PCDHA1: variants seen among roughly 807,000 people sequenced by gnomAD.
PCDHA1 encodes the protein protocadherin alpha 1, also known as protocadherin alpha-1.
A neutral mutation model predicts 61.3 loss-of-function variants in PCDHA1; 42 were observed. The observed-to-expected ratio is 0.69, with a 90% CI of 0.54 to 0.89. The LOEUF (loss-of-function observed/expected upper bound fraction) is 0.89. Ranked by LOEUF, PCDHA1 falls within the 40% of genes least tolerant of loss-of-function variation. The pLI is 0.00. For missense variants in PCDHA1, 1,256 were observed against 1,235.3 expected, an observed-to-expected ratio of 1.02 and a Z score of -0.25; for synonymous variants, 610 against 553.8, an observed-to-expected ratio of 1.10 and a Z score of -1.43.
chr5:140,808,173 C>A, intron 1 of PCDHA1: 1 of 1,614,268 alleles, frequency 6.2e-7, no homozygotes, highest in Non-Finnish European at 8.5e-7. Flanking sequence ...GGACAGCTCC[C>A]ACTTTCTGGC....
chr5:140,906,999 G>C (rs187849442), intron 1 of PCDHA1, among the ~76,000 whole-genome samples: 1 of 152,088 alleles, frequency 6.6e-6, no homozygotes, highest in Non-Finnish European at 1.5e-5. Flanking sequence ...TCCTCCCTCT[G>C]GAACTAAGAC....
At chr5:140,836,278 G>T (rs1774328850) in intron 1 of PCDHA1, 3 of 1,613,796 alleles carry the variant, frequency 1.9e-6, no homozygotes, top group Middle Eastern at 1.6e-4. Context: ...GGTGAGATCA[G>T]CACGACACGA....
intron 1 of PCDHA1, chr5:140,849,861 G>A (rs2150454483): frequency 1.9e-6 from 3 of 1,598,586 alleles, no homozygotes; most frequent in Admixed American, 3.4e-5. Context: ...ACCAGCGTTC[G>A]CGCAGTCCGA....
At chr5:140,789,706 T>C (rs1761547206) in intron 1 of PCDHA1, among the ~76,000 whole-genome samples, 1 of 152,168 alleles carries the variant, frequency 6.6e-6, no homozygotes, top group African/African-American at 2.4e-5. Flanking sequence ...TCACAAATGT[T>C]CTAAAACCCT....
chr5:141,008,526 G>A (rs2153997518), intron 3 of PCDHA1, among the ~76,000 whole-genome samples: 1 of 152,126 alleles, frequency 6.6e-6, no homozygotes, highest in Non-Finnish European at 1.5e-5. Flanking sequence ...TCAGACTCTT[G>A]GGAATGTCTT....
intron 1 of PCDHA1, chr5:140,858,383 A>T: frequency 6.3e-7 from 1 of 1,584,980 alleles, no homozygotes; most frequent in African/African-American, 1.3e-5. Flanking sequence ...ACCATGCCCA[A>T]TGGTAGATGT....
Position 140,795,503 on chromosome 5 carries a change from T to G in PCDHA1, c.2394+6819T>G, listed in dbSNP as rs782001303. The G allele has an allele frequency of 2.5e-6, 4 of 1,614,056 alleles. No individual in the cohort carries two copies. In the African/African-American group the frequency reaches 4.0e-5, roughly 16 times the overall value. On this transcript the variant is annotated intron_variant, in intron 1 of 3. Transcript: ENST00000504120. ...CTCAGCTCCAGTGAGTTTTTCTTCCTAGATATACAGGCAAATGATGAACTA... is the reference window on the plus strand; with the variant it reads ...CTCAGCTCCAGTGAGTTTTTCTTCCGAGATATACAGGCAAATGATGAACTA...
chr5:140,870,864 C>T lies in PCDHA1; in HGVS notation c.2394+82180C>T, dbSNP rs782241816. The T allele has an allele frequency of 3.7e-6, 6 of 1,613,816 alleles. No homozygotes were observed. The African/African-American group carries it at 8.0e-5, about 22-fold the overall frequency. ...TAGTACCGCGGTCGGTGGGTGCGGG[C>T]CACGTGGTGGCGAAGGTGCGCGCAG... On this transcript the variant is annotated intron_variant, in intron 1 of 3. Coordinates refer to ENST00000504120, the MANE Select transcript of PCDHA1 (RefSeq NM_018900.4).
rs782513442 is a variant in PCDHA1 at position 140,877,300 on chromosome 5, G to C, written c.2394+88616G>C. 7 of 1,613,828 alleles carry C rather than the reference G, an allele frequency of 4.3e-6. No homozygotes were observed. The South Asian group carries it at 4.4e-5, about 10-fold the overall frequency. Reference sequence around the variant, plus strand: ...CGGCTATAACGCTTGGCTGTCCTACGAGTTGCAACCGGCGGCGGTCGGCGC... The same window carrying C: ...CGGCTATAACGCTTGGCTGTCCTACCAGTTGCAACCGGCGGCGGTCGGCGC... On this transcript the variant is annotated intron_variant, in intron 1 of 3. Transcript: ENST00000504120.
At chr5:140,794,463 CT>C (rs1761859718) in intron 1 of PCDHA1, among the ~76,000 whole-genome samples, 2 of 152,180 alleles carry the variant, frequency 1.3e-5, no homozygotes, top group African/African-American at 4.8e-5. Context: ...GAAAATAGGA[CT>C]GTGGTTACCA....
chr5:140,872,595 C>T (rs1048527578), intron 1 of PCDHA1, among the ~76,000 whole-genome samples: 1 of 152,102 alleles, frequency 6.6e-6, no homozygotes, highest in African/African-American at 2.4e-5. Context: ...AGACCCCCAT[C>T]TGAAAAAATA....
chr5:140,872,999 T>C (rs534267052), intron 1 of PCDHA1, among the ~76,000 whole-genome samples: 3 of 152,296 alleles, frequency 2.0e-5, no homozygotes, highest in African/African-American at 7.2e-5. Context: ...TACTTCTGAG[T>C]CATTCTTCAT....
Position 140,967,394 on chromosome 5 carries a change from G to C in PCDHA1, c.2395-11555G>C, listed in dbSNP as rs1379450273. On this transcript the variant is annotated intron_variant, in intron 1 of 3. Coordinates refer to ENST00000504120, the MANE Select transcript of PCDHA1 (RefSeq NM_018900.4). ...GGAGAACAGTAAAGTGCTTGAGCTGGTGCTGCGTAAGGGCCTAGACCGGGA... is the reference window on the plus strand; with the variant it reads ...GGAGAACAGTAAAGTGCTTGAGCTGCTGCTGCGTAAGGGCCTAGACCGGGA... 4 of 1,609,940 alleles carry C rather than the reference G, an allele frequency of 2.5e-6. No homozygotes were observed. In the African/African-American group the frequency reaches 4.0e-5, roughly 16 times the overall value.
At chr5:140,819,016 G>A (rs2150052012) in intron 1 of PCDHA1, among the ~76,000 whole-genome samples, 1 of 152,254 alleles carries the variant, frequency 6.6e-6, no homozygotes, top group African/African-American at 2.4e-5. Context: ...ATATAATATG[G>A]ATATTTTAGC....
intron 1 of PCDHA1, among the ~76,000 whole-genome samples, chr5:140,945,198 C>T (rs1563212846): frequency 6.6e-6 from 1 of 151,982 alleles, no homozygotes; most frequent in Non-Finnish European, 1.5e-5. Flanking sequence ...ATGCTATTTA[C>T]AATAGCTATG....
intron 1 of PCDHA1, among the ~76,000 whole-genome samples, chr5:140,952,087 C>T (rs2094684318): frequency 6.6e-6 from 1 of 152,162 alleles, no homozygotes. Context: ...CTCCATGTCT[C>T]ACATCCAGGG....
chr5:140,788,977 C>T, intron 1 of PCDHA1: 1 of 451,064 alleles, frequency 2.2e-6, no homozygotes, highest in Non-Finnish European at 3.7e-6. Flanking sequence ...CACAATATCT[C>T]AATGTAGTAA....
At chr5:140,907,517 G>C (rs1174112923) in intron 1 of PCDHA1, among the ~76,000 whole-genome samples, 1 of 152,192 alleles carries the variant, frequency 6.6e-6, no homozygotes, top group Non-Finnish European at 1.5e-5. Flanking sequence ...TTCCAGTGAG[G>C]ACAAATCGCT....
rs782334415 is a variant in PCDHA1 at position 141,009,744 on chromosome 5, A to T, written c.2660A>T (p.Lys887Ile). 8.1e-6 allele frequency: 13 copies of T among 1,614,028 alleles called. No homozygotes were observed. Among genetic ancestry groups the T allele is most frequent in the Non-Finnish European group, 1.1e-5 (13 of 1,180,034 alleles). The change falls in exon 4 of 4, where the codon AAA becomes ATA. Residue 887 changes from lysine (K) to isoleucine (I), a missense_variant. Transcript: ENST00000504120. Reference protein sequence around the residue: ...KQSGPGELPDKFIIPGSPAII... With the variant: ...KQSGPGELPDIFIIPGSPAII... ...TCCGGTCCCGGTGAGTTGCCCGACA[A>T]ATTCATTATCCCAGGATCTCCTGCA...
Sources: allele counts gnomAD v4.1 joint callset (sites outside exome capture counted in the v4.1 genomes callset), GRCh38; gene constraint gnomAD v4.1.1; transcripts MANE v1.5; gene names NCBI Gene and HGNC (gene_info 2026-07-23, HGNC 2026-07-21).